Variants in LIPC observed in about 807,000 individuals in gnomAD.
LIPC encodes the protein lipase C, hepatic type.
Under a neutral mutation model 50.7 loss-of-function variants are expected in LIPC, and 44 were observed. That is an observed-to-expected ratio of 0.87 (90% CI 0.68 to 1.11). The LOEUF (loss-of-function observed/expected upper bound fraction) is 1.11, where lower values mean the gene tolerates loss of function less well. Among genes scored for constraint, LIPC ranks in the 50% most tolerant of loss-of-function variants. LIPC has a pLI of 0.00. For missense variants in LIPC, 697 were observed against 648.2 expected (o/e 1.08, Z -0.82); for synonymous variants, 271 against 256.4 (o/e 1.06, Z -0.54).
At chr15:58,451,893 C>A (rs1595859860) in intron 1 of LIPC, among the ~76,000 whole-genome samples, 1 of 152,172 alleles carries the variant, frequency 6.6e-6, no homozygotes. Context: ...CTGGGCAGAG[C>A]AGACCTCGTG....
At chr15:58,477,836 C>T (rs866161684) in intron 1 of LIPC, among the ~76,000 whole-genome samples, 2 of 152,128 alleles carry the variant, frequency 1.3e-5, no homozygotes, top group African/African-American at 4.8e-5. Context: ...TACCATGTCA[C>T]TTCCCCCTAG....
At chr15:58,480,577 G>A (rs1377661261) in intron 1 of LIPC, among the ~76,000 whole-genome samples, 2 of 152,202 alleles carry the variant, frequency 1.3e-5, no homozygotes, top group African/African-American at 2.4e-5. Flanking sequence ...GATTACAGGT[G>A]TGAGCCACTG....
At chr15:58,530,110 T>C (rs1004052348) in intron 1 of LIPC, among the ~76,000 whole-genome samples, 4 of 152,238 alleles carry the variant, frequency 2.6e-5, no homozygotes, top group African/African-American at 9.6e-5. Flanking sequence ...TTTTCCTCAA[T>C]AAGTACAGGT....
intron 1 of LIPC, among the ~76,000 whole-genome samples, chr15:58,501,484 T>G (rs188976965): frequency 1.2e-4 from 19 of 152,252 alleles, no homozygotes; most frequent in Admixed American, 1.2e-3. Flanking sequence ...TTTCCATGTA[T>G]TTTTAACATC....
intron 6 of LIPC, among the ~76,000 whole-genome samples, chr15:58,555,480 G>A (rs765923651): frequency 2.0e-5 from 3 of 152,156 alleles, no homozygotes; most frequent in African/African-American, 4.8e-5. Context: ...AAAACAGCAG[G>A]CGATATAGAA....
rs1387707790 is a variant in LIPC, at chr15:58,457,325, GTC to G, written c.88+25208_88+25209del. Among the ~76,000 whole-genome samples, 6 of 152,298 alleles carry G rather than the reference GTC, an allele frequency of 3.9e-5. No homozygotes were observed. The East Asian group carries it at 1.2e-3, about 29-fold the overall frequency. ...GGGTTTCTCCACTTTGGTCATGCTG[GTC>G]TCAAACTCCCGACCTCAGGTGATCT... On this transcript the variant is annotated intron_variant, in intron 1 of 8. Coordinates refer to ENST00000299022, the MANE Select transcript of LIPC (RefSeq NM_000236.3).
At chr15:58,491,279 G>C (rs769396765) in intron 1 of LIPC, among the ~76,000 whole-genome samples, 1 of 152,152 alleles carries the variant, frequency 6.6e-6, no homozygotes, top group Non-Finnish European at 1.5e-5. Flanking sequence ...CAGTGCCATA[G>C]AGTGGTCAGA....
At chr15:58,509,534 G>T (rs1231477872) in intron 1 of LIPC, among the ~76,000 whole-genome samples, 1 of 152,150 alleles carries the variant, frequency 6.6e-6, no homozygotes, top group Non-Finnish European at 1.5e-5. Flanking sequence ...TAACCTAATA[G>T]GTGTTCAGTA....
At chr15:58,509,165 G>C (rs1240692328) in intron 1 of LIPC, among the ~76,000 whole-genome samples, 4 of 152,144 alleles carry the variant, frequency 2.6e-5, no homozygotes, top group Non-Finnish European at 4.4e-5. Context: ...TGTTGTCTGG[G>C]AAATACATCA....
chr15:58,546,188 C>T (rs868095298), intron 5 of LIPC, among the ~76,000 whole-genome samples: 8 of 152,228 alleles, frequency 5.3e-5, no homozygotes, highest in South Asian at 2.1e-4. Flanking sequence ...AACAGGCCAA[C>T]GCCACGCCCT....
chr15:58,454,953 A>T (rs1227605146), intron 1 of LIPC: 1 of 152,240 alleles, frequency 6.6e-6, no homozygotes, highest in African/African-American at 2.4e-5. Context: ...GACAGTAATA[A>T]ATACTCAAAA....
rs187455794 is a variant in LIPC, at chr15:58,566,956, A to G, written c.1389-1760A>G. ...ATTTTGTAGGGGAATTTCATTCAAC[A>G]ACTAACGTTTAGTGAGTACCTACCT... On this transcript the variant is annotated intron_variant, in intron 8 of 8. Transcript: ENST00000299022. 2.6e-5 allele frequency among the ~76,000 whole-genome samples: 4 copies of G among 152,222 alleles called. No homozygotes were observed. In the East Asian group the frequency reaches 7.7e-4, roughly 29 times the overall value.
intron 1 of LIPC, among the ~76,000 whole-genome samples, chr15:58,496,046 T>C (rs1168732839): frequency 6.6e-6 from 1 of 152,188 alleles, no homozygotes; most frequent in Admixed American, 6.5e-5. Flanking sequence ...AGCTCCCTGC[T>C]GCAGAACCAG....
At chr15:58,475,303 C>T (rs1890953217) in intron 1 of LIPC, among the ~76,000 whole-genome samples, 1 of 152,142 alleles carries the variant, frequency 6.6e-6, no homozygotes, top group Non-Finnish European at 1.5e-5. Flanking sequence ...TTCTAAGAGG[C>T]AAAGGTAATC....
chr15:58,440,128 T>C (rs1893453138), intron 1 of LIPC, among the ~76,000 whole-genome samples: 1 of 152,224 alleles, frequency 6.6e-6, no homozygotes, highest in African/African-American at 2.4e-5. Flanking sequence ...AATATCTACA[T>C]GCTAAAAAGA....
At chr15:58,505,519 A>G (rs1892120255) in intron 1 of LIPC, among the ~76,000 whole-genome samples, 1 of 152,312 alleles carries the variant, frequency 6.6e-6, no homozygotes, top group East Asian at 1.9e-4. Flanking sequence ...AGGGATGTCT[A>G]TGAAGTGGGA....
chr15:58,510,197 T>C lies in LIPC; in HGVS notation c.89-28136T>C, dbSNP rs1315607930. Among the ~76,000 whole-genome samples, 4 of 152,324 alleles carry C rather than the reference T, an allele frequency of 2.6e-5. No individual in the cohort carries two copies. The East Asian group carries it at 7.7e-4, about 29-fold the overall frequency. On this transcript the variant is annotated intron_variant, in intron 1 of 8. Coordinates refer to ENST00000299022, the MANE Select transcript of LIPC (RefSeq NM_000236.3). ...CTCCCTGGTATGGGAAACAGATACTTTATGTCTTCAGTTGTAAGGTCCACT... is the reference window on the plus strand; with the variant it reads ...CTCCCTGGTATGGGAAACAGATACTCTATGTCTTCAGTTGTAAGGTCCACT...
At chr15:58,440,673 T>G (rs769802065) in intron 1 of LIPC, among the ~76,000 whole-genome samples, 3 of 152,142 alleles carry the variant, frequency 2.0e-5, no homozygotes, top group Non-Finnish European at 2.9e-5. Context: ...CACAATGCAA[T>G]TAGTTTGTAA....
chr15:58,523,056 A>T (rs1299349160), intron 1 of LIPC: 2 of 152,236 alleles, frequency 1.3e-5, no homozygotes, highest in East Asian at 3.9e-4. Context: ...CAGTAGGGGG[A>T]TGTCTGACAA....
Sources: allele counts gnomAD v4.1 joint callset (sites outside exome capture counted in the v4.1 genomes callset), GRCh38; gene constraint gnomAD v4.1.1; transcripts MANE v1.5; gene names NCBI Gene and HGNC (gene_info 2026-07-23, HGNC 2026-07-21).